PHLDB2: variants seen among roughly 807,000 people sequenced by gnomAD.
The protein encoded by PHLDB2 is pleckstrin homology-like domain family B member 2.
PHLDB2 carries 71 observed loss-of-function variants against 123.6 expected under a neutral mutation model. That is an observed-to-expected ratio of 0.57 (90% confidence interval 0.47 to 0.70). The LOEUF is 0.70. Ranked by LOEUF, PHLDB2 falls within the 30% of genes least tolerant of loss-of-function variation. The pLI, the probability that PHLDB2 is intolerant of heterozygous loss-of-function variation, is 0.00. For missense variants in PHLDB2, 1,446 were observed against 1,519.5 expected (o/e 0.95, Z 0.80); for synonymous variants, 547 against 541.6 (o/e 1.01, Z -0.14).
intron 1 of PHLDB2, among the ~76,000 whole-genome samples, chr3:111,784,872 T>C (rs1486588341): frequency 6.6e-6 from 1 of 152,136 alleles, no homozygotes; most frequent in Admixed American, 6.5e-5. Context: ...CAATTCCCTA[T>C]TGTAAAAACT....
chr3:111,893,649 C>CTT (rs36030335), intron 2 of PHLDB2, among the ~76,000 whole-genome samples: 3 of 143,660 alleles, frequency 2.1e-5, no homozygotes, highest in South Asian at 2.2e-4. Flanking sequence ...AATTCTCTAC[C>CTT]TTTTTTTTTT....
At chr3:111,848,688 C>G (rs920620778) in intron 2 of PHLDB2, among the ~76,000 whole-genome samples, 4 of 152,164 alleles carry the variant, frequency 2.6e-5, no homozygotes, top group Admixed American at 6.5e-5. Flanking sequence ...CAATGAGGGA[C>G]CACATGTACA....
intron 1 of PHLDB2, among the ~76,000 whole-genome samples, chr3:111,788,225 A>T (rs111592234): frequency 6.6e-6 from 1 of 152,308 alleles, no homozygotes; most frequent in African/African-American, 2.4e-5. Flanking sequence ...TTTTTTTTTA[A>T]TGTCATTTCA....
chr3:111,769,403 C>G (rs766655817), intron 1 of PHLDB2, among the ~76,000 whole-genome samples: 11 of 152,148 alleles, frequency 7.2e-5, no homozygotes, highest in Non-Finnish European at 1.5e-4. Context: ...ACTGTCTTTT[C>G]CCCATATTCT....
At chr3:111,919,885 G>A (rs1193672198) in intron 4 of PHLDB2, among the ~76,000 whole-genome samples, 3 of 152,132 alleles carry the variant, frequency 2.0e-5, no homozygotes, top group Non-Finnish European at 4.4e-5. Context: ...AGCATTGCGA[G>A]GAATGCAGAG....
At chr3:111,952,043 T>A (rs2107635570) in intron 10 of PHLDB2, among the ~76,000 whole-genome samples, 1 of 152,352 alleles carries the variant, frequency 6.6e-6, no homozygotes, top group South Asian at 2.1e-4. Context: ...TTTTAAAAAG[T>A]AACCTAGAAT....
At chr3:111,759,867 C>T (rs2059964343) in intron 1 of PHLDB2, among the ~76,000 whole-genome samples, 1 of 152,174 alleles carries the variant, frequency 6.6e-6, no homozygotes, top group Non-Finnish European at 1.5e-5. Flanking sequence ...AATTGGGTGA[C>T]AATCAAGAGT....
intron 1 of PHLDB2, among the ~76,000 whole-genome samples, chr3:111,797,292 T>G (rs2061198651): frequency 6.6e-6 from 1 of 152,172 alleles, no homozygotes; most frequent in Non-Finnish European, 1.5e-5. Flanking sequence ...CTAAAGAAAT[T>G]AACAAATGAA....
In PHLDB2 at chr3:111,962,285, C is replaced by G; in HGVS notation, c.3050C>G (p.Ser1017Cys). The G allele has an allele frequency of 6.3e-7, 1 of 1,585,996 alleles. No homozygotes were observed. Among genetic ancestry groups the G allele is most frequent in the Non-Finnish European group, 8.5e-7 (1 of 1,172,914 alleles). Residue 1017 changes from serine to cysteine, a missense_variant, in exon 13 of 18, where the codon TCT (serine) becomes TGT (cysteine). Ser to Cys is a moderately radical substitution (Grantham distance 112, BLOSUM62 -1). This residue lies in a region of PHLDB2 where 594 missense variants were observed against 646.0 expected (regional missense o/e 0.92). Transcript: ENST00000431670. ...TCTGATAGCATGGAGACCAGCATCT[C>G]TGCTTGCTCACCAGACAACATCTCT... ...DSSDSMETSISACSPDNISSA... is the reference protein window; with the variant it reads ...DSSDSMETSICACSPDNISSA...
intron 2 of PHLDB2, among the ~76,000 whole-genome samples, chr3:111,891,105 A>G (rs922212722): frequency 6.6e-6 from 1 of 152,084 alleles, no homozygotes; most frequent in Admixed American, 6.5e-5. Flanking sequence ...ACTCTGAGCT[A>G]TGTTTCAAGT....
At chr3:111,929,991 A>C (rs577879795) in intron 5 of PHLDB2, among the ~76,000 whole-genome samples, 6 of 149,510 alleles carry the variant, frequency 4.0e-5, no homozygotes, top group Non-Finnish European at 5.9e-5. Context: ...GGCTCACTGC[A>C]AGCTCTGCCT....
In PHLDB2 at chr3:111,974,498, G is replaced by C; in HGVS notation, c.3697G>C (p.Ala1233Pro). The C allele has an allele frequency of 1.9e-6, 3 of 1,613,686 alleles. No individual in the cohort carries two copies. The highest frequency in any genetic ancestry group is 2.5e-6 in the Non-Finnish European group (3 of 1,179,736). The change falls in exon 18 of 18, where the codon GCC becomes CCC. Residue 1233 changes from alanine (A) to proline (P), a missense_variant. Ala to Pro is a conservative substitution (Grantham distance 27). Coordinates refer to ENST00000431670, the MANE Select transcript of PHLDB2 (RefSeq NM_001134438.2). The stretch of plus-strand genomic sequence containing the variant: ...TTATATGGTAGCCCCATCGCCAGAA[G>C]CCATGCGGATCTGGATGGATGTTAT... ...IYYMVAPSPEAMRIWMDVIVT... is the reference protein window; with the variant it reads ...IYYMVAPSPEPMRIWMDVIVT...
chr3:111,892,058 A>T (rs1305235930), intron 2 of PHLDB2, among the ~76,000 whole-genome samples: 1 of 152,190 alleles, frequency 6.6e-6, no homozygotes, highest in East Asian at 1.9e-4. Context: ...GTTGCCATTT[A>T]GAACTATGCA....
intron 1 of PHLDB2, among the ~76,000 whole-genome samples, chr3:111,811,918 A>G (rs1324345453): frequency 6.6e-6 from 1 of 152,172 alleles, no homozygotes; most frequent in Non-Finnish European, 1.5e-5. Flanking sequence ...TTCATCCTAT[A>G]TAAGCTGCTT....
chr3:111,905,468 C>T (rs1298596392), intron 2 of PHLDB2, among the ~76,000 whole-genome samples: 1 of 151,978 alleles, frequency 6.6e-6, no homozygotes, highest in Non-Finnish European at 1.5e-5. Flanking sequence ...GTGATCCTCC[C>T]ACCTCAGCCT....
At chr3:111,822,666 T>C (rs938944799) in intron 1 of PHLDB2, among the ~76,000 whole-genome samples, 1 of 152,192 alleles carries the variant, frequency 6.6e-6, no homozygotes, top group Admixed American at 6.5e-5. Context: ...ATTGGCAAGT[T>C]GCAGAAGATA....
rs1235076517 is a variant in PHLDB2, at chr3:111,952,514, C to T, written c.2632-58C>T. The T allele has an allele frequency of 1.9e-6, 3 of 1,547,466 alleles. No individual in the cohort carries two copies. The African/African-American group carries it at 4.2e-5, about 22-fold the overall frequency. ...GTAAGTGCATAATTCTTCATTTCTT[C>T]AGTCACCTATTACAGTTAGTCAAGT... On this transcript the variant is annotated intron_variant, in intron 10 of 17. Transcript: ENST00000431670.
chr3:111,902,400 G>T (rs1307261083), intron 2 of PHLDB2, among the ~76,000 whole-genome samples: 1 of 152,180 alleles, frequency 6.6e-6, no homozygotes, highest in African/African-American at 2.4e-5. Flanking sequence ...TGAGGCTACA[G>T]TGAGCCATGA....
At chr3:111,961,424 G>A (rs1022875473) in intron 12 of PHLDB2, among the ~76,000 whole-genome samples, 5 of 152,224 alleles carry the variant, frequency 3.3e-5, no homozygotes. Context: ...AACAGCTTGT[G>A]GAAGGCTGAT....
Sources: allele counts gnomAD v4.1 joint callset (sites outside exome capture counted in the v4.1 genomes callset), GRCh38; gene constraint gnomAD v4.1.1; regional missense constraint gnomAD v4.1.1; transcripts MANE v1.5; gene names NCBI Gene and HGNC (gene_info 2026-07-23, HGNC 2026-07-21).